Variants in ZNF469 observed in about 807,000 individuals in gnomAD.
ZNF469 encodes the protein zinc finger protein 469.
A neutral mutation model predicts 1.0 loss-of-function variants in ZNF469; 1 was observed. The observed-to-expected ratio is 1.00, with a 90% CI of 0.35 to 4.73. The LOEUF (loss-of-function observed/expected upper bound fraction) is 4.73. Among genes scored for constraint, ZNF469 ranks in the 30% most tolerant of loss-of-function variants. The probability of loss-of-function intolerance (pLI) is 0.16; values close to 1 mark genes in which losing one functional copy is unlikely to be tolerated. For synonymous variants in ZNF469, 2,703 were observed against 2,363.4 expected (o/e 1.14, Z -4.17); for missense variants, 6,100 against 5,356.3 (o/e 1.14, Z -4.33).
the ZNF469 span, among the ~76,000 whole-genome samples, chr16:88,134,097 C>CAATGAATGAATGAATGAATG: frequency 4.4e-4 from 66 of 150,752 alleles, no homozygotes; most frequent in African/African-American, 1.5e-3. Context: ...GTCTCTGTCT[C>CAATGAATGAATGAATGAATG]AATGAATGAA....
At chr16:88,233,015 C>T in the ZNF469 span, among the ~76,000 whole-genome samples, 20 of 152,324 alleles carry the variant, frequency 1.3e-4, no homozygotes, top group South Asian at 3.5e-3. Flanking sequence ...GCTCTTCCTC[C>T]TCCGCCAGAT....
the ZNF469 span, among the ~76,000 whole-genome samples, chr16:88,354,548 G>A: frequency 1.3e-5 from 2 of 152,324 alleles, no homozygotes; most frequent in South Asian, 4.1e-4. Flanking sequence ...AGCCTGTCCA[G>A]TAGGGATAGC....
In ZNF469 at chr16:88,432,348, C is replaced by T; in HGVS notation, c.4878C>T (p.Asp1626=). 2 of 1,548,540 alleles carry T rather than the reference C, an allele frequency of 1.3e-6. No homozygotes were observed. Among genetic ancestry groups the T allele is most frequent in the South Asian group, 1.2e-5 (1 of 84,036 alleles). Residue 1626 remains aspartate (D), a synonymous_variant, in exon 3 of 3, where the codon GAC becomes GAT. Coordinates refer to ENST00000565624, the MANE Select transcript of ZNF469 (RefSeq NM_001367624.2). ...ACGAGGACACGTTCTCGGCAGCTGA[C>T]CTCACGCGCGTTGGAGAATCCACTG... ...VPHEDTFSAA[D]LTRVGESTAH...
At chr16:88,399,160 C>G (rs1904784522) in intron 1 of ZNF469, among the ~76,000 whole-genome samples, 1 of 152,222 alleles carries the variant, frequency 6.6e-6, no homozygotes, top group African/African-American at 2.4e-5. Flanking sequence ...TGGCAGGCAG[C>G]CCACTGGGCC....
the ZNF469 span, among the ~76,000 whole-genome samples, chr16:88,268,979 G>A: frequency 2.0e-5 from 3 of 152,226 alleles, no homozygotes; most frequent in East Asian, 3.9e-4. Flanking sequence ...GAAGGGCATG[G>A]AAGGTCACGG....
chr16:88,146,367 G>A, the ZNF469 span, among the ~76,000 whole-genome samples: 9 of 152,260 alleles, frequency 5.9e-5, no homozygotes, highest in African/African-American at 2.2e-4. Flanking sequence ...TTAAATCAAA[G>A]CCACCTGTGT....
upstream of ZNF469, among the ~76,000 whole-genome samples, chr16:88,379,203 A>G (rs1375451519): frequency 6.6e-6 from 1 of 152,174 alleles, no homozygotes; most frequent in African/African-American, 2.4e-5. Context: ...GAGGTTGATC[A>G]GTAGCAGGCC....
the ZNF469 span, among the ~76,000 whole-genome samples, chr16:88,102,504 AAAAAC>A: frequency 1.3e-5 from 2 of 152,254 alleles, no homozygotes; most frequent in African/African-American, 4.8e-5. Flanking sequence ...CTTCGTCTCA[AAAAAC>A]AAAACAAAAC....
In ZNF469 at chr16:88,430,511, G is replaced by A. The variant is rs1328549518; in HGVS notation, c.3041G>A (p.Arg1014Lys). 7.0e-7 allele frequency: 1 copy of A among 1,426,012 alleles called. No homozygotes were observed. Among genetic ancestry groups the A allele is most frequent in the Non-Finnish European group, 9.1e-7 (1 of 1,099,974 alleles). 88.3% of individuals were successfully genotyped at this position (1,426,012 alleles called of 1,614,324 possible). The change falls in exon 3 of 3, where the codon AGA becomes AAA. Residue 1014 changes from arginine (R) to lysine (K), a missense_variant. Arg to Lys is a conservative substitution (Grantham distance 26). Transcript: ENST00000565624. ...SRADPAPRVP[R>K]AAALPEETRS... Reference sequence around the variant, plus strand: ...GCAGACCCCGCGCCCCGGGTCCCGAGAGCCGCCGCCCTCCCCGAGGAGACC... The same window carrying A: ...GCAGACCCCGCGCCCCGGGTCCCGAAAGCCGCCGCCCTCCCCGAGGAGACC...
At chr16:88,190,817 T>G in the ZNF469 span, among the ~76,000 whole-genome samples, 1 of 152,192 alleles carries the variant, frequency 6.6e-6, no homozygotes, top group Admixed American at 6.5e-5. Context: ...GAGTATCAGT[T>G]TCCTGTTGCC....
At chr16:88,193,081 ATGGTGGTGGTGATGGTGTTGATGGTGG>A in the ZNF469 span, among the ~76,000 whole-genome samples, 1 of 36,390 alleles carries the variant, frequency 2.7e-5, no homozygotes, top group African/African-American at 1.3e-4. Flanking sequence ...GGTGGTGGTG[ATGGTGGTGGTGATGGTGTTGATGGTGG>A]TGGTGGTGAT....
At chr16:88,127,998 A>G in the ZNF469 span, among the ~76,000 whole-genome samples, 6 of 152,198 alleles carry the variant, frequency 3.9e-5, no homozygotes, top group African/African-American at 9.7e-5. Context: ...CGGCCACAGC[A>G]GTGAGTGTAG....
chr16:88,301,562 G>A, the ZNF469 span, among the ~76,000 whole-genome samples: 225 of 152,316 alleles, frequency 1.5e-3, 1 homozygote, highest in Non-Finnish European at 2.1e-3. Flanking sequence ...CCAGGGCACC[G>A]TCAGGCGAGT....
chr16:88,310,160 C>T, the ZNF469 span, among the ~76,000 whole-genome samples: 3 of 152,140 alleles, frequency 2.0e-5, no homozygotes, highest in African/African-American at 7.2e-5. Context: ...GTGGGACAGC[C>T]TGGCATGAGA....
Position 88,439,001 on chromosome 16 carries a change from C to A in ZNF469, c.11531C>A (p.Pro3844His), listed in dbSNP as rs777126253. 3.2e-6 allele frequency: 5 copies of A among 1,550,420 alleles called. No homozygotes were observed. The highest frequency in any genetic ancestry group is 1.2e-5 in the South Asian group (1 of 84,064). ...AGAGCCCCCTCAGCCCCTGACAAGC[C>A]CCCCCGGACCCCTCGGAAGCAGGCA... ...FGRAPSAPDK[P>H]PRTPRKQATP... The change falls in exon 3 of 3, where the codon CCC becomes CAC. Residue 3844 changes from proline to histidine, a missense_variant. Pro to His is a moderately conservative substitution (Grantham distance 77). Transcript: ENST00000565624.
At position 88,438,347 on chromosome 16, in the gene ZNF469, C is replaced by T; in HGVS notation, c.10877C>T (p.Ala3626Val). ...CTCGTGTTCTCAGGGAAACGCAGGG[C>T]CCCGGGTGCCCGTGGCAGGTGTGCC... Reference protein sequence around the residue: ...APLVFSGKRRAPGARGRCAPD... With the variant: ...APLVFSGKRRVPGARGRCAPD... The change falls in exon 3 of 3, where the codon GCC (alanine) becomes GTC (valine). Residue 3626 changes from alanine to valine, a missense_variant. Ala to Val is a moderately conservative substitution (Grantham distance 64, BLOSUM62 0). Coordinates refer to ENST00000565624, the MANE Select transcript of ZNF469 (RefSeq NM_001367624.2). 3 of 1,550,174 alleles carry T rather than the reference C, an allele frequency of 1.9e-6. No individual in the cohort carries two copies. The highest frequency in any genetic ancestry group is 2.6e-6 in the Non-Finnish European group (3 of 1,146,946).
At chr16:88,156,444 G>A in the ZNF469 span, among the ~76,000 whole-genome samples, 3 of 152,144 alleles carry the variant, frequency 2.0e-5, no homozygotes, top group Non-Finnish European at 2.9e-5. Flanking sequence ...CCATCCTATT[G>A]CACATGGATA....
rs191234581 is a variant in ZNF469 at position 88,438,126 on chromosome 16, G to A, written c.10656G>A (p.Pro3552=). Residue 3552 remains proline (P), a synonymous_variant, in exon 3 of 3, where the codon CCG becomes CCA. Coordinates refer to ENST00000565624, the MANE Select transcript of ZNF469 (RefSeq NM_001367624.2). ...CATCCAACCACCAGGAGTGTCCCCC[G>A]CCGTCTCTGTCTCCCTTCCCAGCTG... is the stretch of plus-strand genomic sequence containing the variant. ...ELPSNHQECP[P]PSLSPFPAAL... 1.6e-3 allele frequency: 2,527 copies of A among 1,550,352 alleles called. 2 individuals carry two copies. The highest frequency in any genetic ancestry group is 2.0e-3 in the Non-Finnish European group (2,252 of 1,146,964).
At chr16:88,396,203 A>G (rs550661990) in intron 1 of ZNF469, among the ~76,000 whole-genome samples, 60 of 152,398 alleles carry the variant, frequency 3.9e-4, no homozygotes, top group African/African-American at 1.3e-3. Context: ...GGCTTGTGAT[A>G]CTGAAAGGTC....
Sources: gnomAD v4.1 joint callset for allele counts (sites outside exome capture counted in the v4.1 genomes callset) on GRCh38, gnomAD v4.1.1 for gene constraint, MANE v1.5 for transcripts, NCBI Gene and HGNC (gene_info 2026-07-23, HGNC 2026-07-21) for gene names.